SPATS2: variants seen among roughly 807,000 people sequenced by gnomAD.
SPATS2 encodes spermatogenesis associated serine rich 2.
In SPATS2, 38 loss-of-function variants were observed where a neutral mutation model predicts 63.7. The ratio of observed to expected loss-of-function variants is 0.60; its 90% CI spans 0.46 to 0.78. The LOEUF is 0.78. Among genes scored for constraint, SPATS2 ranks in the 30% least tolerant of loss-of-function variants. SPATS2 has a pLI of 0.00. For synonymous variants in SPATS2, 207 were observed against 232.9 expected, an observed-to-expected ratio of 0.89 and a Z score of 1.01; for missense variants, 588 against 666.2, an observed-to-expected ratio of 0.88 and a Z score of 1.29.
intron 2 of SPATS2, among the ~76,000 whole-genome samples, chr12:49,444,390 A>AT (rs1269406382): frequency 2.0e-5 from 3 of 150,042 alleles, no homozygotes; most frequent in Non-Finnish European, 3.0e-5. Flanking sequence ...GCTAATTTAA[A>AT]TTTTTTTTTG....
At chr12:49,376,258 C>T (rs191855797) in intron 2 of SPATS2, among the ~76,000 whole-genome samples, 83 of 151,842 alleles carry the variant, frequency 5.5e-4, no homozygotes, top group African/African-American at 1.6e-3. Flanking sequence ...CCCGCCACCA[C>T]GCCCAGCTAA....
intron 9 of SPATS2, among the ~76,000 whole-genome samples, chr12:49,505,924 T>C (rs767602044): frequency 3.9e-5 from 6 of 152,226 alleles, no homozygotes; most frequent in Non-Finnish European, 7.3e-5. Flanking sequence ...TCCCTACTTA[T>C]GATGGTTCAA....
At chr12:49,389,716 T>C (rs151278997) in intron 2 of SPATS2, 17 of 1,550,258 alleles carry the variant, frequency 1.1e-5, no homozygotes, top group Non-Finnish European at 1.4e-5. Flanking sequence ...ACGTTAGTTA[T>C]GGGAATCCAG....
At chr12:49,450,399 A>G (rs1355180150) in intron 2 of SPATS2, among the ~76,000 whole-genome samples, 1 of 151,684 alleles carries the variant, frequency 6.6e-6, no homozygotes, top group African/African-American at 2.4e-5. Flanking sequence ...GCCCGACACC[A>G]TGCCTGGTTA....
intron 2 of SPATS2, among the ~76,000 whole-genome samples, chr12:49,432,925 G>A (rs1945211070): frequency 6.6e-6 from 1 of 152,092 alleles, no homozygotes; most frequent in Non-Finnish European, 1.5e-5. Context: ...TTTTGAATAC[G>A]TATCCAGAGT....
At chr12:49,374,487 C>T (rs1343979689) in intron 2 of SPATS2, among the ~76,000 whole-genome samples, 1 of 152,176 alleles carries the variant, frequency 6.6e-6, no homozygotes, top group Non-Finnish European at 1.5e-5. Context: ...AGCATTTACT[C>T]TCCCATGTTC....
intron 2 of SPATS2, chr12:49,406,329 G>A (rs1341036433): frequency 6.6e-6 from 1 of 150,698 alleles, no homozygotes; most frequent in African/African-American, 2.4e-5. Context: ...CTGTTACCTA[G>A]GCTGGAGTGC....
chr12:49,411,476 C>T (rs964721076), intron 2 of SPATS2, among the ~76,000 whole-genome samples: 1 of 151,754 alleles, frequency 6.6e-6, no homozygotes, highest in African/African-American at 2.4e-5. Flanking sequence ...TATTTTTGGT[C>T]CCCCCCAAAA....
At chr12:49,520,416 C>T (rs1946921278) in intron 11 of SPATS2, among the ~76,000 whole-genome samples, 1 of 152,138 alleles carries the variant, frequency 6.6e-6, no homozygotes, top group African/African-American at 2.4e-5. Flanking sequence ...CCGCGCCCGG[C>T]CCAGTTACCA....
chr12:49,392,459 C>G (rs868846031), intron 2 of SPATS2, among the ~76,000 whole-genome samples: 1 of 152,196 alleles, frequency 6.6e-6, no homozygotes, highest in Admixed American at 6.5e-5. Flanking sequence ...TGGCTCACAC[C>G]TGTAGTCCCA....
At chr12:49,456,354 C>T (rs930777746) in intron 2 of SPATS2, among the ~76,000 whole-genome samples, 1 of 152,144 alleles carries the variant, frequency 6.6e-6, no homozygotes, top group African/African-American at 2.4e-5. Flanking sequence ...GCAGAGGGAA[C>T]ACCTTCAGAG....
chr12:49,374,910 G>A (rs1302273007), intron 2 of SPATS2, among the ~76,000 whole-genome samples: 8 of 137,524 alleles, frequency 5.8e-5, no homozygotes, highest in Admixed American at 3.2e-4. Context: ...GCAGTGGGCC[G>A]AGATTGTGCC....
chr12:49,386,967 ATAG>A (rs1944327987), intron 2 of SPATS2: 1 of 152,346 alleles, frequency 6.6e-6, no homozygotes, highest in Non-Finnish European at 1.5e-5. Flanking sequence ...GAGAGTTAAG[ATAG>A]TAGTGTAGAA....
chr12:49,374,646 T>C (rs1944061181), intron 2 of SPATS2, among the ~76,000 whole-genome samples: 1 of 152,160 alleles, frequency 6.6e-6, no homozygotes, highest in African/African-American at 2.4e-5. Context: ...GCCATTGTCC[T>C]ATGACTAATT....
At chr12:49,515,218 AT>A (rs1946819025) in intron 10 of SPATS2, among the ~76,000 whole-genome samples, 1 of 152,182 alleles carries the variant, frequency 6.6e-6, no homozygotes, top group African/African-American at 2.4e-5. Flanking sequence ...ACAGATACCT[AT>A]TTTTTGATCA....
At chr12:49,452,429 G>A (rs1260171181) in intron 2 of SPATS2, among the ~76,000 whole-genome samples, 4 of 152,138 alleles carry the variant, frequency 2.6e-5, no homozygotes, top group East Asian at 1.9e-4. Context: ...ACAGGCATGC[G>A]CCACCACACC....
chr12:49,398,473 T>C (rs906039067), intron 2 of SPATS2, among the ~76,000 whole-genome samples: 1 of 151,994 alleles, frequency 6.6e-6, no homozygotes, highest in Non-Finnish European at 1.5e-5. Flanking sequence ...TCAAGAGAAT[T>C]TAGAAATAGG....
intron 3 of SPATS2, among the ~76,000 whole-genome samples, chr12:49,479,820 T>C (rs1946176673): frequency 6.6e-6 from 1 of 152,240 alleles, no homozygotes; most frequent in Non-Finnish European, 1.5e-5. Context: ...AAAGGCTATA[T>C]ATCAAGGTAC....
At chr12:49,461,360 C>G (rs1307777994) in intron 3 of SPATS2, 1 of 236,800 alleles carries the variant, frequency 4.2e-6, no homozygotes, top group East Asian at 1.1e-4. Flanking sequence ...TGGCATTTTT[C>G]TAGAGAAAGG....
Sources: gnomAD v4.1 joint callset for allele counts (sites outside exome capture counted in the v4.1 genomes callset) on GRCh38, gnomAD v4.1.1 for gene constraint, MANE v1.5 for transcripts, NCBI Gene and HGNC (gene_info 2026-07-23, HGNC 2026-07-21) for gene names.